CTBP2: variants seen among roughly 807,000 people sequenced by gnomAD.
CTBP2 encodes the protein C-terminal binding protein 2, also known as C-terminal-binding protein 2.
A neutral mutation model predicts 80.3 loss-of-function variants in CTBP2; 30 were observed. The observed-to-expected ratio is 0.37, with a 90% CI of 0.28 to 0.51. The LOEUF (loss-of-function observed/expected upper bound fraction) is 0.51, where lower values mean the gene tolerates loss of function less well. Among genes scored for constraint, CTBP2 ranks in the 20% least tolerant of loss-of-function variants. CTBP2 has a pLI of 0.93. For missense variants in CTBP2, 1,212 were observed against 1,375.3 expected (o/e 0.88, Z 1.88); for synonymous variants, 594 against 587.4 (o/e 1.01, Z -0.16).
At chr10:125,083,936 C>G (rs756322100) in intron 2 of CTBP2, among the ~76,000 whole-genome samples, 2 of 152,136 alleles carry the variant, frequency 1.3e-5, no homozygotes, top group Non-Finnish European at 2.9e-5. Context: ...TGCGCCACCA[C>G]GCCCAGCTGA....
At chr10:125,018,979 C>T (rs1956790424) in intron 1 of CTBP2, among the ~76,000 whole-genome samples, 1 of 152,220 alleles carries the variant, frequency 6.6e-6, no homozygotes, top group Non-Finnish European at 1.5e-5. Context: ...GGGGGCCGCC[C>T]ACTCTGTCAG....
intron 1 of CTBP2, among the ~76,000 whole-genome samples, chr10:125,159,132 C>T (rs1228348378): frequency 6.6e-6 from 1 of 150,994 alleles, no homozygotes; most frequent in African/African-American, 2.4e-5. Flanking sequence ...GGCGCTTCCC[C>T]TCGGCCGCGC....
chr10:124,993,088 A>G, intron 7 of CTBP2, 114 bp downstream of exon 9: 1 of 1,315,904 alleles, frequency 7.6e-7, no homozygotes, highest in East Asian at 2.4e-5. Context: ...TATAAATTTG[A>G]TGCTAAAAGT....
chr10:125,075,157 A>C (rs544727942), intron 2 of CTBP2, among the ~76,000 whole-genome samples: 214 of 152,360 alleles, frequency 1.4e-3, no homozygotes, highest in African/African-American at 4.9e-3. Context: ...AAGATTATAG[A>C]GTGACAATAC....
At chr10:125,149,466 C>CT (rs1859418288) in intron 1 of CTBP2, among the ~76,000 whole-genome samples, 1 of 152,194 alleles carries the variant, frequency 6.6e-6, no homozygotes, top group East Asian at 1.9e-4. Flanking sequence ...GACACCGGGA[C>CT]TCACATGACT....
upstream of CTBP2, among the ~76,000 whole-genome samples, chr10:125,161,891 A>T (rs1399512565): frequency 2.0e-5 from 3 of 152,038 alleles, no homozygotes; most frequent in East Asian, 3.9e-4. Flanking sequence ...CTGACGTCTC[A>T]AGGTTGGAGT....
At chr10:125,005,974 G>A in intron 1 of CTBP2, 1 of 1,465,858 alleles carries the variant, frequency 6.8e-7, no homozygotes. Flanking sequence ...GGAATCCAGA[G>A]CCGCTGATGC....
intron 1 of CTBP2, among the ~76,000 whole-genome samples, chr10:125,121,759 C>T (rs2136038836): frequency 6.6e-6 from 1 of 152,332 alleles, no homozygotes; most frequent in Non-Finnish European, 1.5e-5. Context: ...CTGCGTCCCC[C>T]AGACCATCAG....
Position 124,994,570 on chromosome 10 carries a change from A to G in CTBP2, c.2299T>C (p.Tyr767His), listed in dbSNP as rs1361286926. Residue 767 changes from tyrosine to histidine, a missense_variant, in exon 5 of 9, where the codon TAC becomes CAC. Transcript: ENST00000309035. ...TGATACAGCAAATCCTGCAGGGTGT[A>G]GACCCTCTGCACGCCCAGGGACCGC... The G allele has an allele frequency of 6.2e-7, 1 of 1,613,892 alleles. No individual in the cohort carries two copies. The highest frequency in any genetic ancestry group is 1.7e-5 in the Admixed American group (1 of 60,004).
At chr10:125,043,164 G>C (rs908278518) in intron 2 of CTBP2, among the ~76,000 whole-genome samples, 3 of 152,202 alleles carry the variant, frequency 2.0e-5, no homozygotes, top group African/African-American at 7.2e-5. Context: ...CATTTTTGAA[G>C]ACGTGAGAGA....
At chr10:125,024,472 T>C (rs1020580364) in intron 1 of CTBP2, among the ~76,000 whole-genome samples, 1 of 152,182 alleles carries the variant, frequency 6.6e-6, no homozygotes, top group African/African-American at 2.4e-5. Context: ...CCTCACTCCA[T>C]ACCCAAATAA....
At chr10:125,063,494 G>A (rs1057272668) in intron 2 of CTBP2, among the ~76,000 whole-genome samples, 6 of 152,270 alleles carry the variant, frequency 3.9e-5, no homozygotes, top group African/African-American at 7.2e-5. Flanking sequence ...CCTCATGCAC[G>A]ATCCTTTCTT....
rs566365588 is a variant in CTBP2, at chr10:125,009,603, A to AT, written c.1679-6112dup. Among the ~76,000 whole-genome samples, 383 of 152,322 alleles carry AT rather than the reference A, an allele frequency of 2.5e-3. 1 individual carries two copies. Among genetic ancestry groups the AT allele is most frequent in the African/African-American group, 8.2e-3 (339 of 41,580 alleles). ...CCACTGGCTGAGCTCAGCAGACCTG[A>AT]TTTCTAGAAAGCCAGACACAGAATC... is the stretch of plus-strand genomic sequence containing the variant. On this transcript the variant is annotated intron_variant, in intron 1 of 8. Coordinates refer to ENST00000309035, the MANE Select transcript of CTBP2 (RefSeq NM_022802.3).
At chr10:125,003,210 G>A (rs1954772135) in intron 2 of CTBP2, 106 bp from the exon 5 acceptor site, 2 of 1,583,994 alleles carry the variant, frequency 1.3e-6, no homozygotes, top group Non-Finnish European at 8.6e-7. Context: ...AGGCAGAGGA[G>A]TTCAGCAGGA....
chr10:125,088,202 G>C (rs970211215), intron 2 of CTBP2: 6 of 152,210 alleles, frequency 3.9e-5, no homozygotes, highest in African/African-American at 1.4e-4. Context: ...GTGCGTCGGA[G>C]ATACTGTACG....
At chr10:125,100,802 G>C (rs1850500589) in intron 2 of CTBP2, 2 of 152,158 alleles carry the variant, frequency 1.3e-5, no homozygotes, top group South Asian at 4.1e-4. Flanking sequence ...TTTTAGTGTA[G>C]GAAAGAGGAA....
chr10:125,038,315 T>A (rs1959088604), intron 3 of CTBP2, among the ~76,000 whole-genome samples: 1 of 150,944 alleles, frequency 6.6e-6, no homozygotes, highest in Non-Finnish European at 1.5e-5. Context: ...AGAGCCACCC[T>A]GTAGGGCAGT....
At chr10:125,058,700 G>T (rs746700681) in intron 2 of CTBP2, among the ~76,000 whole-genome samples, 2 of 152,062 alleles carry the variant, frequency 1.3e-5, no homozygotes, top group Non-Finnish European at 2.9e-5. Context: ...TTCGAGACTA[G>T]CCCGGCCAAC....
chr10:125,002,822 G>A (rs994526601), intron 3 of CTBP2, 138 bp downstream of exon 5: 12 of 1,041,122 alleles, frequency 1.2e-5, no homozygotes, highest in African/African-American at 6.3e-5. Context: ...TCCACAGCCC[G>A]GCCTGGAGGC....
Sources: gnomAD v4.1 joint callset for allele counts (sites outside exome capture counted in the v4.1 genomes callset) on GRCh38, gnomAD v4.1.1 for gene constraint, MANE v1.5 for transcripts, NCBI Gene and HGNC (gene_info 2026-07-23, HGNC 2026-07-21) for gene names.